The following ZYG11A variants were observed in gnomAD, a reference collection of about 807,000 sequenced individuals.
ZYG11A encodes the protein zyg-11 family member A, cell cycle regulator, also known as protein zyg-11 homolog A.
A neutral mutation model predicts 77.2 loss-of-function variants in ZYG11A; 62 were observed. That is an observed-to-expected ratio of 0.80 (90% CI 0.65 to 0.99). The LOEUF (loss-of-function observed/expected upper bound fraction) is 0.99, where lower values mean the gene tolerates loss of function less well. ZYG11A is among the 50% of genes least tolerant of loss of function. The pLI, the probability that ZYG11A is intolerant of heterozygous loss-of-function variation, is 0.00. For missense variants in ZYG11A, 828 were observed against 896.8 expected (o/e 0.92, Z 0.98); for synonymous variants, 315 against 324.6 (o/e 0.97, Z 0.32).
Position 52,857,356 on chromosome 1 carries a change from A to G in ZYG11A, c.615A>G (p.Pro205=). 1 of 1,551,786 alleles carries G rather than the reference A, an allele frequency of 6.4e-7. No homozygotes were observed. Among genetic ancestry groups the G allele is most frequent in the Non-Finnish European group, 8.7e-7 (1 of 1,147,000 alleles). The change falls in exon 3 of 14, where the codon CCA becomes CCG. Residue 205 remains proline, a synonymous_variant. Transcript: ENST00000371528. ...TEDLANVSQL[P]RLESLDISNT... is the part of the protein sequence containing the mutation. ...ACCTGGCTAATGTTTCTCAGTTACC[A>G]AGACTGGAAAGCTTAGATATCTCTA...
At chr1:52,865,292 GA>G (rs948649449) in intron 5 of ZYG11A, among the ~76,000 whole-genome samples, 9 of 152,094 alleles carry the variant, frequency 5.9e-5, no homozygotes, top group Non-Finnish European at 8.8e-5. Flanking sequence ...GATAGACTGG[GA>G]AACATGTTCA....
chr1:52,890,249 GTTTTTTTTTT>G (rs908467307), intron 13 of ZYG11A, among the ~76,000 whole-genome samples: 1,959 of 71,888 alleles, frequency 0.027, 113 homozygotes, highest in African/African-American at 0.1. Context: ...TTTTCTTTTA[GTTTTTTTTTT>G]TTTTTTTTTT....
chr1:52,848,149 G>A (rs898069033), intron 1 of ZYG11A, among the ~76,000 whole-genome samples: 3 of 152,046 alleles, frequency 2.0e-5, no homozygotes, highest in South Asian at 2.1e-4. Flanking sequence ...GATTACAGGC[G>A]TGAGCCACCA....
intron 13 of ZYG11A, among the ~76,000 whole-genome samples, chr1:52,891,855 T>C (rs1329436529): frequency 6.6e-6 from 1 of 151,882 alleles, no homozygotes; most frequent in African/African-American, 2.4e-5. Flanking sequence ...AGTTTGTACA[T>C]TCATCTATGC....
rs1048535387 is a variant in ZYG11A at position 52,893,538 on chromosome 1, G to A, written c.*581G>A. 1 of 152,350 alleles carries A rather than the reference G, an allele frequency of 6.6e-6. No individual in the cohort carries two copies. The highest frequency in any genetic ancestry group is 2.4e-5 in the African/African-American group (1 of 41,438). The allele number at this position is 152,350 out of a possible 1,614,324, so 9.4% of individuals were successfully genotyped here. On this transcript the variant is annotated 3_prime_UTR_variant, in exon 14 of 14. Transcript: ENST00000371528. ...CCAGCACTTTGGGAGGCCAAGGCAG[G>A]TGGATTGTCTGAACTCAGGAGTTCG...
In ZYG11A at chr1:52,842,980, A is replaced by T. The variant is rs1663713781; in HGVS notation, c.90+7A>T. ...GGGCTGCTGCGTGGTACAGGTGAGC[A>T]CCGGGGTGCGGGCGGCGACGCGGAC... is the stretch of plus-strand genomic sequence containing the variant. On this transcript the variant is annotated splice_region_variant and intron_variant, in intron 1 of 13. Coordinates refer to ENST00000371528, the MANE Select transcript of ZYG11A (RefSeq NM_001004339.3). 1 of 1,511,384 alleles carries T rather than the reference A, an allele frequency of 6.6e-7. No individual in the cohort carries two copies. The highest frequency in any genetic ancestry group is 8.8e-7 in the Non-Finnish European group (1 of 1,131,028). The allele number at this position is 1,511,384 out of a possible 1,614,324, so 93.6% of individuals were successfully genotyped here. A position where few individuals can be genotyped will look rare whatever the true frequency, so the allele number is the denominator to read the frequency against.
intron 1 of ZYG11A, among the ~76,000 whole-genome samples, chr1:52,850,613 C>T (rs1181814102): frequency 6.6e-6 from 1 of 152,068 alleles, no homozygotes; most frequent in African/African-American, 2.4e-5. Context: ...CCACCGCGCC[C>T]AACTTCTAAT....
At chr1:52,881,416 C>G in intron 10 of ZYG11A, 55 bp from the exon 11 acceptor site, 1 of 1,337,716 alleles carries the variant, frequency 7.5e-7, no homozygotes, top group South Asian at 1.6e-5. Context: ...AAGCCAATTC[C>G]TGATTCTCCC....
chr1:52,858,375 C>G (rs1557435344), intron 3 of ZYG11A, among the ~76,000 whole-genome samples: 1 of 148,836 alleles, frequency 6.7e-6, no homozygotes. Flanking sequence ...GAAACGCAGT[C>G]TCAAAAAAAA....
intron 1 of ZYG11A, among the ~76,000 whole-genome samples, chr1:52,851,758 TA>T (rs199745036): frequency 8.7e-4 from 132 of 151,700 alleles, no homozygotes; most frequent in Admixed American, 1.4e-3. Flanking sequence ...ACTTATTTTT[TA>T]TTTTTTGAGA....
At chr1:52,869,397 C>T (rs1159868844) in intron 8 of ZYG11A, among the ~76,000 whole-genome samples, 3 of 151,316 alleles carry the variant, frequency 2.0e-5, no homozygotes, top group East Asian at 1.9e-4. Context: ...TGCGGCCTTC[C>T]GCAGTGTTTG....
chr1:52,852,088 G>A (rs1645724278), intron 1 of ZYG11A, among the ~76,000 whole-genome samples: 1 of 151,706 alleles, frequency 6.6e-6, no homozygotes, highest in South Asian at 2.1e-4. Context: ...CTAATTTTTT[G>A]TATTTTTATT....
chr1:52,874,440 CAG>C lies in ZYG11A; in HGVS notation c.1543-3239_1543-3238del, dbSNP rs1184158935. Among the ~76,000 whole-genome samples the C allele has an allele frequency of 4.6e-5, 7 of 151,846 alleles. No individual in the cohort carries two copies. The South Asian group carries it at 1.5e-3, about 32-fold the overall frequency. ...TTTACATTTTTTTTTTTGATAGAGA[CAG>C]AGTCTAGCCGTGTCACTCAGGTTGG... On this transcript the variant is annotated intron_variant, in intron 8 of 13. Transcript: ENST00000371528.
intron 8 of ZYG11A, among the ~76,000 whole-genome samples, chr1:52,871,864 C>T (rs751266511): frequency 5.9e-5 from 9 of 152,114 alleles, no homozygotes; most frequent in Admixed American, 1.3e-4. Flanking sequence ...GGAAAATTGA[C>T]GTCCTGTAAT....
Position 52,866,487 on chromosome 1 carries a change from C to G in ZYG11A, c.1327-16C>G. 1 of 1,385,464 alleles carries G rather than the reference C, an allele frequency of 7.2e-7. No individual in the cohort carries two copies. Among genetic ancestry groups the G allele is most frequent in the Non-Finnish European group, 1.0e-6 (1 of 999,528 alleles). 85.8% of individuals were successfully genotyped at this position (1,385,464 alleles called of 1,614,324 possible). On this transcript the variant is annotated splice_polypyrimidine_tract_variant and intron_variant, in intron 5 of 13. Transcript: ENST00000371528. ...GTTACATTTGTTCAAAATTATTTTT[C>G]TTTATTCTCTAAAAGTTACAGAAGA...
At chr1:52,880,581 T>A (rs1007195591) in intron 10 of ZYG11A, among the ~76,000 whole-genome samples, 9 of 152,198 alleles carry the variant, frequency 5.9e-5, no homozygotes, top group African/African-American at 2.2e-4. Flanking sequence ...CTTATATATA[T>A]GTATCTGTCT....
At chr1:52,843,477 G>A (rs1645493607) in intron 1 of ZYG11A, among the ~76,000 whole-genome samples, 1 of 152,184 alleles carries the variant, frequency 6.6e-6, no homozygotes, top group Admixed American at 6.5e-5. Flanking sequence ...AGGCCTTTGG[G>A]CCCGGGGCCG....
intron 4 of ZYG11A, 136 bp from the exon 5 acceptor site, chr1:52,863,845 T>C: frequency 1.3e-6 from 1 of 765,468 alleles, no homozygotes. Flanking sequence ...TTTGATGTTC[T>C]AAAGAATAAA....
chr1:52,863,880 C>T (rs1446695754), intron 4 of ZYG11A, 101 bp from the exon 5 acceptor site: 2 of 1,090,780 alleles, frequency 1.8e-6, no homozygotes, highest in Admixed American at 5.7e-5. Context: ...AAAATCTGTT[C>T]CTGTCCCAAT....
Sources: gnomAD v4.1 joint callset for allele counts (sites outside exome capture counted in the v4.1 genomes callset) on GRCh38, gnomAD v4.1.1 for gene constraint, MANE v1.5 for transcripts, NCBI Gene and HGNC (gene_info 2026-07-23, HGNC 2026-07-21) for gene names.